Variants in CSMD2 observed in about 807,000 individuals in gnomAD.
CSMD2 encodes the protein CUB and Sushi multiple domains 2.
Under a neutral mutation model 398.5 loss-of-function variants are expected in CSMD2, and 130 were observed. That is an observed-to-expected ratio of 0.33 (90% CI 0.28 to 0.38). CSMD2 has a LOEUF of 0.38. Ranked by LOEUF, CSMD2 falls within the 10% of genes least tolerant of loss-of-function variation. The probability of loss-of-function intolerance (pLI) is 1.00; values close to 1 mark genes in which losing one functional copy is unlikely to be tolerated. For synonymous variants in CSMD2, 1,828 were observed against 1,908.5 expected (o/e 0.96, Z 1.10); for missense variants, 3,829 against 4,764.9 (o/e 0.80, Z 5.78).
At chr1:33,832,199 C>T (rs948625685) in intron 6 of CSMD2, among the ~76,000 whole-genome samples, 1 of 150,618 alleles carries the variant, frequency 6.6e-6, no homozygotes, top group Non-Finnish European at 1.5e-5. Context: ...CCCAAATCAA[C>T]AGAATATACA....
At chr1:33,973,512 G>T (rs914129566) in intron 3 of CSMD2, among the ~76,000 whole-genome samples, 4 of 152,216 alleles carry the variant, frequency 2.6e-5, no homozygotes, top group Admixed American at 6.5e-5. Flanking sequence ...AAAGCTTCCT[G>T]CCCCAGGGGA....
At chr1:33,864,382 C>T (rs1639798245) in intron 5 of CSMD2, 3 of 1,614,038 alleles carry the variant, frequency 1.9e-6, no homozygotes, top group Non-Finnish European at 2.5e-6. Flanking sequence ...GAAGCCCTGG[C>T]CAAACTCGAC....
intron 25 of CSMD2, among the ~76,000 whole-genome samples, chr1:33,681,633 G>C (rs1383016137): frequency 1.3e-5 from 2 of 152,086 alleles, no homozygotes; most frequent in Non-Finnish European, 2.9e-5. Context: ...GCTTCCTGTG[G>C]ATGCTGTAAC....
intron 3 of CSMD2, among the ~76,000 whole-genome samples, chr1:33,981,044 G>A (rs955159103): frequency 1.3e-5 from 2 of 152,162 alleles, no homozygotes; most frequent in Admixed American, 6.5e-5. Context: ...GTGGGCCCGT[G>A]AGAGATACCC....
chr1:33,834,750 C>A (rs1265142903), intron 6 of CSMD2, among the ~76,000 whole-genome samples: 1 of 42,484 alleles, frequency 2.4e-5, no homozygotes, highest in Non-Finnish European at 3.4e-5. Context: ...GCAACCTACT[C>A]ATCTGACAAA....
rs1270333555 is a variant in CSMD2, at chr1:33,909,403, T to A, written c.920+8691A>T. ...TTTAGAATAGGGTCCCCACTGCTGT[T>A]ATTCCCCATCCTGTTCATTTCCTTT... On this transcript the variant is annotated intron_variant, in intron 5 of 70. Transcript: ENST00000373381. 9.9e-5 allele frequency among the ~76,000 whole-genome samples: 15 copies of A among 152,164 alleles called. 1 individual carries two copies. The highest frequency in any genetic ancestry group is 9.2e-4 in the Admixed American group (14 of 15,282).
intron 3 of CSMD2, among the ~76,000 whole-genome samples, chr1:34,010,098 G>C (rs1216453952): frequency 1.3e-5 from 2 of 152,186 alleles, no homozygotes; most frequent in Non-Finnish European, 2.9e-5. Context: ...ATACAGGTCT[G>C]TCTGCTGTAG....
At chr1:33,707,226 A>G (rs1187388534) in intron 22 of CSMD2, among the ~76,000 whole-genome samples, 1 of 152,230 alleles carries the variant, frequency 6.6e-6, no homozygotes, top group Non-Finnish European at 1.5e-5. Context: ...GGTCACTTGC[A>G]CAGAACCACT....
chr1:33,608,042 C>A (rs549384408), intron 41 of CSMD2, among the ~76,000 whole-genome samples: 4 of 152,070 alleles, frequency 2.6e-5, no homozygotes, highest in Non-Finnish European at 5.9e-5. Flanking sequence ...ACACTAGTCC[C>A]GAATGTTGGC....
At chr1:33,847,028 A>G (rs1638304210) in intron 5 of CSMD2, 32 bp from the exon 6 acceptor site, 3 of 1,483,930 alleles carry the variant, frequency 2.0e-6, no homozygotes, top group Non-Finnish European at 2.8e-6. Context: ...GGGCTCAGGG[A>G]CCAGAGCTGA....
chr1:34,055,394 T>C (rs115834487), intron 2 of CSMD2, among the ~76,000 whole-genome samples: 61 of 152,194 alleles, frequency 4.0e-4, no homozygotes, highest in African/African-American at 1.3e-3. Flanking sequence ...TCAGGTCCCG[T>C]AGGTTGAGGG....
intron 5 of CSMD2, among the ~76,000 whole-genome samples, chr1:33,886,192 A>G (rs1641581186): frequency 1.3e-5 from 2 of 152,276 alleles, no homozygotes; most frequent in East Asian, 1.9e-4. Context: ...ACTATATTCC[A>G]TGGGTGACAG....
At chr1:33,846,650 G>C (rs921227827) in intron 6 of CSMD2, among the ~76,000 whole-genome samples, 2 of 152,222 alleles carry the variant, frequency 1.3e-5, no homozygotes, top group African/African-American at 4.8e-5. Context: ...GATTAGCCTG[G>C]CATGTGAGGG....
rs756824884 is a variant in CSMD2, at chr1:33,586,559, C to G, written c.6996G>C (p.Leu2332=). The part of the protein sequence containing the change: ...PGFTLVGNEI[L]TCKLGTYLQF... ...GCAGGTAGGTTCCAAGTTTGCAGGT[C>G]AGAATTTCATTCCCCACTAAGGTAA... The change falls in exon 46 of 71, where the codon CTG becomes CTC. Residue 2332 remains leucine, a synonymous_variant. Coordinates refer to ENST00000373381, the MANE Select transcript of CSMD2 (RefSeq NM_001281956.2). 9 of 1,613,658 alleles carry G rather than the reference C, an allele frequency of 5.6e-6. No homozygotes were observed. In the East Asian group the frequency reaches 1.8e-4, roughly 32 times the overall value.
chr1:34,113,120 G>A (rs892593741), intron 1 of CSMD2: 6 of 152,200 alleles, frequency 3.9e-5, no homozygotes, highest in African/African-American at 1.4e-4. Context: ...ACTCCTGGCT[G>A]AGTCACTCAT....
intron 3 of CSMD2, among the ~76,000 whole-genome samples, chr1:34,011,412 C>T (rs143451057): frequency 1.3e-5 from 2 of 152,208 alleles, no homozygotes; most frequent in East Asian, 1.9e-4. Context: ...GTGAGGTAAA[C>T]GTTGCAGTGT....
chr1:33,809,036 G>A (rs970479291), intron 10 of CSMD2, among the ~76,000 whole-genome samples: 1 of 150,916 alleles, frequency 6.6e-6, no homozygotes, highest in Non-Finnish European at 1.5e-5. Context: ...TAAGTCTATA[G>A]TCTAAAATCT....
intron 2 of CSMD2, among the ~76,000 whole-genome samples, chr1:34,039,221 T>A (rs1651539210): frequency 6.6e-6 from 1 of 152,138 alleles, no homozygotes; most frequent in Non-Finnish European, 1.5e-5. Context: ...GGCCTGGCCA[T>A]GACACCAGCT....
intron 27 of CSMD2, among the ~76,000 whole-genome samples, chr1:33,657,013 A>G (rs1293279465): frequency 6.6e-6 from 1 of 152,038 alleles, no homozygotes; most frequent in Non-Finnish European, 1.5e-5. Context: ...GTCTCTATCT[A>G]TTTACCTTTC....
Sources: allele counts gnomAD v4.1 joint callset (sites outside exome capture counted in the v4.1 genomes callset), GRCh38; gene constraint gnomAD v4.1.1; transcripts MANE v1.5; gene names NCBI Gene and HGNC (gene_info 2026-07-23, HGNC 2026-07-21).